TULP4: variants seen among roughly 807,000 people sequenced by gnomAD.
TULP4 encodes tubby-related protein 4.
Under a neutral mutation model 129.0 loss-of-function variants are expected in TULP4, and 16 were observed. The ratio of observed to expected loss-of-function variants is 0.12; its 90% CI spans 0.08 to 0.19. The LOEUF (loss-of-function observed/expected upper bound fraction) is 0.19. Ranked by LOEUF, TULP4 falls within the 10% of genes least tolerant of loss-of-function variation. The probability of loss-of-function intolerance (pLI) is 1.00; values close to 1 mark genes in which losing one functional copy is unlikely to be tolerated. For missense variants in TULP4, 1,842 were observed against 2,059.1 expected, an observed-to-expected ratio of 0.89 and a Z score of 2.04; for synonymous variants, 998 against 854.0, an observed-to-expected ratio of 1.17 and a Z score of -2.94.
intron 1 of TULP4, among the ~76,000 whole-genome samples, chr6:158,406,825 A>G (rs1472641454): frequency 6.6e-6 from 1 of 152,202 alleles, no homozygotes; most frequent in Non-Finnish European, 1.5e-5. Flanking sequence ...TTTCTGACAA[A>G]AAAGTTTGGA....
At chr6:158,301,882 T>TTAGA (rs1554278188) in intron 1 of TULP4, among the ~76,000 whole-genome samples, 2 of 151,964 alleles carry the variant, frequency 1.3e-5, no homozygotes, top group Non-Finnish European at 2.9e-5. Flanking sequence ...AAAGTAGGTC[T>TTAGA]TAATTAATGT....
At chr6:158,417,971 C>T (rs1778249216) in intron 2 of TULP4, among the ~76,000 whole-genome samples, 1 of 152,180 alleles carries the variant, frequency 6.6e-6, no homozygotes, top group South Asian at 2.1e-4. Context: ...GGGTCAATGG[C>T]ATGGTCAGCC....
At chr6:158,329,083 A>G (rs1302734178) in intron 1 of TULP4, among the ~76,000 whole-genome samples, 2 of 152,180 alleles carry the variant, frequency 1.3e-5, no homozygotes, top group East Asian at 3.8e-4. Flanking sequence ...CTTGACTCCA[A>G]ACTTCCAAAA....
At chr6:158,293,556 A>G (rs1050385765) in intron 1 of TULP4, among the ~76,000 whole-genome samples, 2 of 152,222 alleles carry the variant, frequency 1.3e-5, no homozygotes, top group Non-Finnish European at 2.9e-5. Flanking sequence ...ACAGGCAGAA[A>G]GACCCTTGCT....
chr6:158,503,618 C>G lies in TULP4; in HGVS notation c.3955C>G (p.Leu1319Val). 1.9e-6 allele frequency: 3 copies of G among 1,614,020 alleles called. No homozygotes were observed. Among genetic ancestry groups the G allele is most frequent in the Non-Finnish European group, 1.7e-6 (2 of 1,180,020 alleles). The change falls in exon 13 of 14, where the codon CTC becomes GTC. Residue 1319 changes from leucine (L) to valine (V), a missense_variant. This residue lies in a region of TULP4 where 1,089 missense variants were observed against 987.1 expected (regional missense o/e 1.10). Transcript: ENST00000367097. This position sits in a 1 kb window ranked among gnomAD's most constrained non-coding sequence, Gnocchi z 4.3. The stretch of plus-strand genomic sequence containing the variant: ...GACTGCAGACAACTTCCAGGAAGTC[C>G]TCTCCCTGACCGAAAGCCCAGTCCC... ...VETADNFQEV[L>V]SLTESPVPQR...
intron 1 of TULP4, among the ~76,000 whole-genome samples, chr6:158,329,465 TA>T (rs10671642): frequency 4.3e-5 from 6 of 138,712 alleles, no homozygotes; most frequent in Middle Eastern, 3.6e-3. Context: ...ACCTTAACAT[TA>T]AAAAAAAAAA....
intron 1 of TULP4, among the ~76,000 whole-genome samples, chr6:158,388,653 G>GAAAAAAA (rs11424136): frequency 7.0e-6 from 1 of 142,478 alleles, no homozygotes; most frequent in Non-Finnish European, 1.5e-5. Flanking sequence ...TTTTCTAATG[G>GAAAAAAA]AAAAAAAAAA....
rs1469061461 is a variant in TULP4 at position 158,449,070 on chromosome 6, G to A, written c.618G>A (p.Leu206=). The A allele has an allele frequency of 2.5e-6, 4 of 1,613,904 alleles. No individual in the cohort carries two copies. The Admixed American group carries it at 5.0e-5, about 20-fold the overall frequency. The part of the protein sequence containing the change: ...CHGRMLAHVL[L]HESDGVLGMS... ...GCAGAATGCTGGCCCACGTCCTCTT[G>A]CACGAGTCAGACGGTGTCCTCGGCA... is the stretch of plus-strand genomic sequence containing the variant. The change falls in exon 4 of 14, where the codon TTG becomes TTA. Residue 206 remains leucine (L), a synonymous_variant. Transcript: ENST00000367097.
At chr6:158,438,988 G>A (rs1308243426) in intron 3 of TULP4, among the ~76,000 whole-genome samples, 2 of 152,140 alleles carry the variant, frequency 1.3e-5, no homozygotes, top group East Asian at 3.9e-4. Flanking sequence ...TGGCTAACAC[G>A]GTGAAACTCT....
chr6:158,444,594 G>T (rs377138355), intron 3 of TULP4, among the ~76,000 whole-genome samples: 1 of 151,996 alleles, frequency 6.6e-6, no homozygotes, highest in Non-Finnish European at 1.5e-5. Flanking sequence ...AGATGTGTAG[G>T]GTCCAAAGAC....
intron 1 of TULP4, among the ~76,000 whole-genome samples, chr6:158,390,470 G>T (rs11757256): frequency 6.6e-6 from 1 of 151,966 alleles, no homozygotes; most frequent in Non-Finnish European, 1.5e-5. Flanking sequence ...TGTTTTTAGT[G>T]ATTTGTTAGC....
At chr6:158,250,157 C>CTT (rs1242045230) in intron 1 of TULP4, among the ~76,000 whole-genome samples, 4 of 139,858 alleles carry the variant, frequency 2.9e-5, no homozygotes, top group East Asian at 2.1e-4. Context: ...CTTTTCTTTT[C>CTT]TTTTTTTTTT....
In TULP4 at chr6:158,265,354, A is replaced by G. The variant is rs185148251; in HGVS notation, n.68+33051A>G. ...CTTATTTAGAGCTTAACCTTCTCCCACAAAACATTTGAGGTGGCTTAAATG... is the reference window on the plus strand; with the variant it reads ...CTTATTTAGAGCTTAACCTTCTCCCGCAAAACATTTGAGGTGGCTTAAATG... On this transcript the variant is annotated intron_variant and non_coding_transcript_variant, in intron 1 of 1. Coordinates refer to the TULP4 transcript ENST00000620026. Among the ~76,000 whole-genome samples the G allele has an allele frequency of 1.5e-3, 235 of 152,084 alleles. 1 individual carries two copies. The highest frequency in any genetic ancestry group is 2.9e-3 in the Non-Finnish European group (194 of 68,000).
At chr6:158,278,508 G>GCC (rs954465370), upstream of TULP4, among the ~76,000 whole-genome samples, 4 of 151,510 alleles carry the variant, frequency 2.6e-5, no homozygotes, top group African/African-American at 9.7e-5. Flanking sequence ...TGATCGAAAA[G>GCC]CTTAATTTTC....
chr6:158,468,013 C>G (rs908041881), intron 6 of TULP4, among the ~76,000 whole-genome samples: 1 of 152,210 alleles, frequency 6.6e-6, no homozygotes, highest in African/African-American at 2.4e-5. Flanking sequence ...GACCCAGCAA[C>G]GGATGAATAA....
At chr6:158,296,951 G>A (rs539342281) in intron 1 of TULP4, among the ~76,000 whole-genome samples, 1 of 152,330 alleles carries the variant, frequency 6.6e-6, no homozygotes, top group African/African-American at 2.4e-5. Context: ...AGCAGTGCAC[G>A]TATTATCTTG....
Position 158,249,621 on chromosome 6 carries a change from C to T in TULP4, n.68+17318C>T, listed in dbSNP as rs533767821. On this transcript the variant is annotated intron_variant and non_coding_transcript_variant, in intron 1 of 1. Transcript: ENST00000620026. ...CTATTTGTGTTTGATTTTGCATCTC[C>T]CTCCTCACAACTTCAATGGCTGTGA... 2.5e-4 allele frequency among the ~76,000 whole-genome samples: 38 copies of T among 152,296 alleles called. No homozygotes were observed. In the East Asian group the frequency reaches 7.3e-3, roughly 29 times the overall value.
At chr6:158,470,154 G>A (rs936175284) in intron 6 of TULP4, among the ~76,000 whole-genome samples, 1 of 152,224 alleles carries the variant, frequency 6.6e-6, no homozygotes, top group Non-Finnish European at 1.5e-5. Flanking sequence ...TAGCCTGATC[G>A]GGAGCGGCAA....
chr6:158,436,510 G>A (rs341110), intron 3 of TULP4, among the ~76,000 whole-genome samples: 1 of 151,982 alleles, frequency 6.6e-6, no homozygotes, highest in African/African-American at 2.4e-5. Context: ...CCACCTACAG[G>A]AATCTCCCTA....
Sources: gnomAD v4.1 joint callset for allele counts (sites outside exome capture counted in the v4.1 genomes callset) on GRCh38, gnomAD v4.1.1 for gene constraint, gnomAD v4.1.1 regional missense constraint, Gnocchi (gnomAD v3.1) non-coding constraint, MANE v1.5 for transcripts, NCBI Gene and HGNC (gene_info 2026-07-23, HGNC 2026-07-21) for gene names.